Variants in DHX15 observed in about 807,000 individuals in gnomAD.
The protein encoded by DHX15 is ATP-dependent RNA helicase DHX15.
A neutral mutation model predicts 94.4 loss-of-function variants in DHX15; 11 were observed. The observed-to-expected ratio is 0.12, with a 90% confidence interval of 0.07 to 0.19. The LOEUF is 0.19. Among genes scored for constraint, DHX15 ranks in the 10% least tolerant of loss-of-function variants. The probability of loss-of-function intolerance (pLI) is 1.00; values close to 1 mark genes in which losing one functional copy is unlikely to be tolerated. For missense variants in DHX15, 304 were observed against 988.5 expected, an observed-to-expected ratio of 0.31 and a Z score of 9.29; for synonymous variants, 338 against 329.9, an observed-to-expected ratio of 1.02 and a Z score of -0.27.
intron 2 of DHX15, among the ~76,000 whole-genome samples, chr4:24,572,554 T>C (rs777187607): frequency 6.6e-6 from 1 of 152,178 alleles, no homozygotes; most frequent in Non-Finnish European, 1.5e-5. Context: ...ACTCTGAAAA[T>C]GACCGAGGAT....
At chr4:24,568,123 A>C (rs1003141964) in intron 3 of DHX15, among the ~76,000 whole-genome samples, 1 of 152,208 alleles carries the variant, frequency 6.6e-6, no homozygotes, top group Admixed American at 6.5e-5. Flanking sequence ...AAATGCTCTC[A>C]AACTATGGTT....
chr4:24,553,439 ATAC>A (rs1721656007), intron 5 of DHX15, among the ~76,000 whole-genome samples: 1 of 152,124 alleles, frequency 6.6e-6, no homozygotes, highest in Non-Finnish European at 1.5e-5. Context: ...AACAGCCTCA[ATAC>A]TACATTACAG....
At chr4:24,566,642 A>T (rs1722000066) in intron 3 of DHX15, among the ~76,000 whole-genome samples, 1 of 152,152 alleles carries the variant, frequency 6.6e-6, no homozygotes, top group African/African-American at 2.4e-5. Context: ...CCTGGCCAAC[A>T]CGGTGAAACT....
rs1221695148 is a variant in DHX15, at chr4:24,537,977, A to C, written c.1787-804T>G. The C allele has an allele frequency of 6.6e-6, 1 of 152,240 alleles. No homozygotes were observed. Among genetic ancestry groups the C allele is most frequent in the Non-Finnish European group, 1.5e-5 (1 of 68,024 alleles). The allele number at this position is 152,240 out of a possible 1,614,324, so 9.4% of individuals were successfully genotyped here. A position where few individuals can be genotyped will look rare whatever the true frequency, so the allele number is the denominator to read the frequency against. On this transcript the variant is annotated intron_variant, in intron 10 of 13. Transcript: ENST00000336812. This position sits in a 1 kb window ranked among gnomAD's most constrained non-coding sequence, Gnocchi z 4.7. ...ATTTCAAAAGTTGACAATTAGTCTGAAACAATCATATCAAGGGTCATCAAG... is the reference window on the plus strand; with the variant it reads ...ATTTCAAAAGTTGACAATTAGTCTGCAACAATCATATCAAGGGTCATCAAG...
rs187334769 is a variant in DHX15, at chr4:24,540,328, C to A, written c.1595-29G>T. Reference sequence around the variant, plus strand: ...GTGGTAAAAGACAATCTATTAGACACGGTGCCTTAAGCAAGCAAAAATGTG... The same window carrying A: ...GTGGTAAAAGACAATCTATTAGACAAGGTGCCTTAAGCAAGCAAAAATGTG... On this transcript the variant is annotated intron_variant, in intron 9 of 13. Transcript: ENST00000336812. 1.0e-5 allele frequency: 16 copies of A among 1,580,756 alleles called. No individual in the cohort carries two copies. In the Admixed American group the frequency reaches 2.0e-4, roughly 20 times the overall value.
At chr4:24,532,590 A>T (rs373996137) in intron 12 of DHX15, among the ~76,000 whole-genome samples, 1 of 152,252 alleles carries the variant, frequency 6.6e-6, no homozygotes, top group East Asian at 1.9e-4. Flanking sequence ...TCCATTTTGT[A>T]TAACAAAGGC....
Position 24,537,558 on chromosome 4 carries a change from T to C in DHX15, c.1787-385A>G, listed in dbSNP as rs964251923. On this transcript the variant is annotated intron_variant, in intron 10 of 13. Transcript: ENST00000336812. This position sits in a 1 kb window ranked among gnomAD's most constrained non-coding sequence, Gnocchi z 4.7. ...CTAACTGTAATTTTTCAAAAGGGCA[T>C]CCACTAAATCTACTGAATGGCTGTG... is the stretch of plus-strand genomic sequence containing the variant. 6 of 157,806 alleles carry C rather than the reference T, an allele frequency of 3.8e-5. No individual in the cohort carries two copies. The highest frequency in any genetic ancestry group is 1.4e-4 in the African/African-American group (6 of 41,548). 9.8% of individuals were successfully genotyped at this position (157,806 alleles called of 1,614,324 possible). A position where few individuals can be genotyped will look rare whatever the true frequency, so the allele number is the denominator to read the frequency against.
chr4:24,547,927 A>ATAGATATC (rs1721476647), intron 6 of DHX15, among the ~76,000 whole-genome samples: 1 of 102,960 alleles, frequency 9.7e-6, no homozygotes, highest in Non-Finnish European at 2.0e-5. Context: ...ATATATATAT[A>ATAGATATC]TATATATATA....
At chr4:24,548,287 C>A (rs1167761868) in intron 6 of DHX15, among the ~76,000 whole-genome samples, 1 of 151,864 alleles carries the variant, frequency 6.6e-6, no homozygotes. Context: ...GAATTACAGG[C>A]ACGCGCTACC....
At position 24,529,687 on chromosome 4, in the gene DHX15, G is replaced by C; in HGVS notation, c.2184C>G (p.Asp728Glu). The stretch of plus-strand genomic sequence containing the variant: ...TATAAAGCACCCATTCAGGTTTGTG[G>C]TCAAGAACAGTAGAGGGATGCAACT... ...VVQLHPSTVLDHKPEWVLYNE... is the reference protein window; with the variant it reads ...VVQLHPSTVLEHKPEWVLYNE... Residue 728 changes from aspartate (D) to glutamate (E), a missense_variant, in exon 13 of 14, where the codon GAC becomes GAG. Asp to Glu is a conservative substitution (Grantham distance 45). Around this residue, in one of 9 missense-constraint regions of DHX15, gnomAD observed 44 missense variants for 236.7 expected, o/e 0.19. Coordinates refer to ENST00000336812, the MANE Select transcript of DHX15 (RefSeq NM_001358.3). 1 of 1,614,170 alleles carries C rather than the reference G, an allele frequency of 6.2e-7. No homozygotes were observed. The highest frequency in any genetic ancestry group is 8.5e-7 in the Non-Finnish European group (1 of 1,180,008).
At chr4:24,533,245 G>C in intron 11 of DHX15, 191 bp from the exon 12 acceptor site, 4 of 595,670 alleles carry the variant, frequency 6.7e-6, no homozygotes, top group Non-Finnish European at 1.2e-5. Context: ...TTCAACATTA[G>C]AAACAGTAAC....
At chr4:24,538,799 C>T (rs775785637) in intron 10 of DHX15, 2 of 151,970 alleles carry the variant, frequency 1.3e-5, no homozygotes, top group Non-Finnish European at 2.9e-5. Flanking sequence ...ATCACAACAA[C>T]AAACTTCTTA....
intron 5 of DHX15, among the ~76,000 whole-genome samples, chr4:24,553,788 C>T (rs563348938): frequency 2.0e-5 from 3 of 152,074 alleles, no homozygotes; most frequent in African/African-American, 7.2e-5. Context: ...CCCTCCCCAC[C>T]CCCAAAAAGA....
intron 1 of DHX15, among the ~76,000 whole-genome samples, chr4:24,580,507 T>C (rs1410372628): frequency 6.8e-6 from 1 of 146,316 alleles, no homozygotes; most frequent in Non-Finnish European, 1.5e-5. Flanking sequence ...TAAATAAGCA[T>C]TGCTTTTTTT....
rs116362333 is a variant in DHX15 at position 24,551,122 on chromosome 4, T to C, written c.1081-2100A>G. On this transcript the variant is annotated intron_variant, in intron 5 of 13. Coordinates refer to ENST00000336812, the MANE Select transcript of DHX15 (RefSeq NM_001358.3). ...CGGAAAAAAAGAGAGAGACAGATTATGTATGATAGCTCTGGGAGAGGCAAA... is the reference window on the plus strand; with the variant it reads ...CGGAAAAAAAGAGAGAGACAGATTACGTATGATAGCTCTGGGAGAGGCAAA... Among the ~76,000 whole-genome samples the C allele has an allele frequency of 8.6e-3, 1,317 of 152,320 alleles. 24 individuals are homozygous for C. Among genetic ancestry groups the C allele is most frequent in the African/African-American group, 0.029 (1,220 of 41,566 alleles).
At chr4:24,558,929 G>GA (rs1721803418) in intron 3 of DHX15, among the ~76,000 whole-genome samples, 1 of 152,090 alleles carries the variant, frequency 6.6e-6, no homozygotes, top group African/African-American at 2.4e-5. Flanking sequence ...CAAAGTCCCA[G>GA]ATAAAGGAAC....
At chr4:24,553,916 A>C (rs371824568) in intron 5 of DHX15, among the ~76,000 whole-genome samples, 1 of 152,054 alleles carries the variant, frequency 6.6e-6, no homozygotes, top group Admixed American at 6.5e-5. Flanking sequence ...TATTGAAAAG[A>C]AGCTTAGAAA....
At chr4:24,541,843 A>T (rs377188229) in intron 8 of DHX15, 30 bp downstream of exon 8, 5 of 1,522,178 alleles carry the variant, frequency 3.3e-6, no homozygotes, top group African/African-American at 2.8e-5. Context: ...CATTTTAAAC[A>T]TATCGGCAGG....
chr4:24,532,587 T>C (rs143271044), intron 12 of DHX15, among the ~76,000 whole-genome samples: 10 of 152,358 alleles, frequency 6.6e-5, no homozygotes, highest in East Asian at 3.9e-4. Context: ...GTTTCCATTT[T>C]GTATAACAAA....
Sources: allele counts gnomAD v4.1 joint callset (sites outside exome capture counted in the v4.1 genomes callset), GRCh38; gene constraint gnomAD v4.1.1; regional missense constraint gnomAD v4.1.1; non-coding constraint Gnocchi (gnomAD v3.1); transcripts MANE v1.5; gene names NCBI Gene and HGNC (gene_info 2026-07-23, HGNC 2026-07-21).